Variants in MGAM2 observed in about 807,000 individuals in gnomAD.
MGAM2 encodes the protein probable maltase-glucoamylase 2.
MGAM2 carries 98 observed loss-of-function variants against 96.1 expected under a neutral mutation model. That is an observed-to-expected ratio of 1.02 (90% CI 0.87 to 1.21). The LOEUF (loss-of-function observed/expected upper bound fraction) is 1.21. MGAM2 is among the 50% of genes most tolerant of loss of function. MGAM2 has a pLI of 0.00. For synonymous variants in MGAM2, 749 were observed against 414.8 expected, an observed-to-expected ratio of 1.81 and a Z score of -9.79; for missense variants, 2,055 against 1,182.4, an observed-to-expected ratio of 1.74 and a Z score of -10.82.
Position 142,158,499 on chromosome 7 carries a change from C to T in MGAM2, c.2163+167C>T, listed in dbSNP as rs571946918. ...TTTTTAAAAAGTAGTAAATCTTGGTCCCATTGCCCCACCAAACAAAACAAT... is the reference window on the plus strand; with the variant it reads ...TTTTTAAAAAGTAGTAAATCTTGGTTCCATTGCCCCACCAAACAAAACAAT... On this transcript the variant is annotated intron_variant, in intron 19 of 47. Transcript: ENST00000477922. Among the ~76,000 whole-genome samples, 190 of 152,222 alleles carry T rather than the reference C, an allele frequency of 1.2e-3. 1 individual carries two copies. The highest frequency in any genetic ancestry group is 2.2e-3 in the Non-Finnish European group (149 of 68,010).
At chr7:142,187,600 T>C in intron 35 of MGAM2, 150 bp from the exon 36 acceptor site, 1 of 541,994 alleles carries the variant, frequency 1.8e-6, no homozygotes, top group Non-Finnish European at 3.3e-6. Flanking sequence ...TTAGAGTCCA[T>C]TTGGGTCAGT....
intron 32 of MGAM2, among the ~76,000 whole-genome samples, chr7:142,182,016 G>T (rs1011759628): frequency 6.6e-6 from 1 of 152,130 alleles, no homozygotes; most frequent in Non-Finnish European, 1.5e-5. Flanking sequence ...AGAGTCTGTG[G>T]CTGGTAAACA....
chr7:142,117,929 C>A (rs1194497066), intron 2 of MGAM2, among the ~76,000 whole-genome samples: 2 of 147,860 alleles, frequency 1.4e-5, no homozygotes. Flanking sequence ...CTGCTTTCAA[C>A]TGTTTTTTTT....
At chr7:142,193,979 G>A (rs1796948845) in intron 37 of MGAM2, among the ~76,000 whole-genome samples, 3 of 151,644 alleles carry the variant, frequency 2.0e-5, no homozygotes, top group Admixed American at 2.0e-4. Context: ...TACTTAAAAT[G>A]TTGAACTATT....
At chr7:142,207,465 G>A (rs1048611270) in intron 45 of MGAM2, among the ~76,000 whole-genome samples, 4 of 151,182 alleles carry the variant, frequency 2.6e-5, no homozygotes, top group African/African-American at 4.9e-5. Flanking sequence ...TCACTCTGTC[G>A]CCCAGGCTGG....
intron 2 of MGAM2, among the ~76,000 whole-genome samples, chr7:142,119,502 A>G (rs140607379): frequency 6.6e-6 from 1 of 152,358 alleles, no homozygotes. Context: ...CAGTTCCTCG[A>G]AAAGCTACAG....
intron 34 of MGAM2, 54 bp downstream of exon 34, chr7:142,185,193 C>T: frequency 1.4e-6 from 1 of 690,506 alleles, no homozygotes; most frequent in South Asian, 1.5e-5. Flanking sequence ...TGGATATTTA[C>T]ATTTTTTATC....
chr7:142,161,559 AT>A (rs1379745696), intron 22 of MGAM2, among the ~76,000 whole-genome samples: 1 of 152,212 alleles, frequency 6.6e-6, no homozygotes, highest in Non-Finnish European at 1.5e-5. Flanking sequence ...GAAATATCTA[AT>A]TTGTATTGTA....
chr7:142,127,500 A>G (rs986797747), intron 3 of MGAM2, among the ~76,000 whole-genome samples: 13 of 152,014 alleles, frequency 8.6e-5, no homozygotes, highest in African/African-American at 3.1e-4. Context: ...AACAGTACAC[A>G]TTCCTCATTT....
intron 18 of MGAM2, 50 bp from the exon 19 acceptor site, chr7:142,158,198 G>C (rs1795793018): frequency 1.4e-6 from 1 of 702,270 alleles, no homozygotes; most frequent in African/African-American, 1.7e-5. Flanking sequence ...ATGTGCCATT[G>C]TCCTGTATTA....
At chr7:142,125,620 G>T (rs1794708645) in intron 3 of MGAM2, among the ~76,000 whole-genome samples, 1 of 152,000 alleles carries the variant, frequency 6.6e-6, no homozygotes, top group Non-Finnish European at 1.5e-5. Flanking sequence ...TAGATTTATG[G>T]AGAGTTAATA....
At chr7:142,152,592 G>A (rs1048721305) in intron 15 of MGAM2, among the ~76,000 whole-genome samples, 3 of 152,160 alleles carry the variant, frequency 2.0e-5, no homozygotes, top group Non-Finnish European at 4.4e-5. Context: ...GACTGTGATA[G>A]TGTATTGAGG....
intron 17 of MGAM2, 83 bp from the exon 18 acceptor site, chr7:142,157,854 T>C (rs995069808): frequency 3.0e-6 from 2 of 660,314 alleles, no homozygotes; most frequent in African/African-American, 1.8e-5. Context: ...AAGTGGCTAG[T>C]TTCATCTGGG....
chr7:142,158,441 T>C (rs1795799255), intron 19 of MGAM2, 109 bp downstream of exon 19: 1 of 609,802 alleles, frequency 1.6e-6, no homozygotes, highest in Non-Finnish European at 2.9e-6. Context: ...AAAATATGAA[T>C]ATAAATGAGA....
chr7:142,154,234 G>T (rs761728383), intron 16 of MGAM2, 45 bp downstream of exon 16: 1 of 537,320 alleles, frequency 1.9e-6, no homozygotes, highest in South Asian at 2.8e-5. Flanking sequence ...TTTGTCTGTT[G>T]ACATTCTTTT....
intron 37 of MGAM2, among the ~76,000 whole-genome samples, chr7:142,195,931 A>T (rs972647893): frequency 6.6e-6 from 1 of 151,952 alleles, no homozygotes; most frequent in Admixed American, 6.6e-5. Flanking sequence ...AATTAACCAG[A>T]TTTTTCAAAA....
chr7:142,218,738 A>G (rs1797837263), intron 47 of MGAM2, among the ~76,000 whole-genome samples: 1 of 152,178 alleles, frequency 6.6e-6, no homozygotes, highest in Non-Finnish European at 1.5e-5. Flanking sequence ...TCTTTCCAGT[A>G]TGGCCTAGGG....
rs1796803236 is a variant in MGAM2 at position 142,189,490 on chromosome 7, C to CCAGA, written c.4333_4336dup (p.Pro1446GlnfsTer74). The CCAGA allele has an allele frequency of 1.2e-6, 1 of 853,690 alleles. No individual in the cohort carries two copies. The highest frequency in any genetic ancestry group is 1.7e-5 in the African/African-American group (1 of 59,484). 52.9% of individuals were successfully genotyped at this position (853,690 alleles called of 1,614,324 possible). ...CACAACCTGTACGGGTGGTCCCAGA[C>CCAGA]CAGACCCACATACGAGTGAGTGTCT... On this transcript the variant is annotated frameshift_variant, in exon 37 of 48. Transcript: ENST00000477922. LOFTEE classifies it high-confidence loss of function.
chr7:142,183,099 G>A lies in MGAM2; in HGVS notation c.3817-167G>A, dbSNP rs76876435. ...TTTTCAATTGGCTATGGTAATATAT[G>A]CAGTAAGACATAAGGCAAATTATCA... On this transcript the variant is annotated intron_variant, in intron 32 of 47. Transcript: ENST00000477922. 5.2e-3 allele frequency among the ~76,000 whole-genome samples: 788 copies of A among 152,204 alleles called. 8 individuals carry two copies. Among genetic ancestry groups the A allele is most frequent in the African/African-American group, 0.018 (759 of 41,522 alleles).
Sources: gnomAD v4.1 joint callset for allele counts (sites outside exome capture counted in the v4.1 genomes callset) on GRCh38, gnomAD v4.1.1 for gene constraint, MANE v1.5 for transcripts, NCBI Gene and HGNC (gene_info 2026-07-23, HGNC 2026-07-21) for gene names.